TFAP2D: variants seen among roughly 807,000 people sequenced by gnomAD.
The protein encoded by TFAP2D is transcription factor AP-2 delta, also known as transcription factor AP-2-delta.
Under a neutral mutation model 43.6 loss-of-function variants are expected in TFAP2D, and 9 were observed. The observed-to-expected ratio is 0.21, with a 90% CI of 0.12 to 0.36. The LOEUF is 0.36. TFAP2D is among the 10% of genes least tolerant of loss of function. The probability of loss-of-function intolerance (pLI) is 1.00; values close to 1 mark genes in which losing one functional copy is unlikely to be tolerated. For synonymous variants in TFAP2D, 256 were observed against 224.9 expected (o/e 1.14, Z -1.24); for missense variants, 513 against 561.4 (o/e 0.91, Z 0.87).
At chr6:50,751,393 T>A in intron 7 of TFAP2D, 69 bp downstream of exon 7, 1 of 1,033,116 alleles carries the variant, frequency 9.7e-7, no homozygotes, top group Non-Finnish European at 1.5e-6. Flanking sequence ...ATCACAGTTC[T>A]ATTTAGAGAT....
At chr6:50,760,631 A>T (rs1769350336) in intron 7 of TFAP2D, among the ~76,000 whole-genome samples, 1 of 152,030 alleles carries the variant, frequency 6.6e-6, no homozygotes, top group African/African-American at 2.4e-5. Flanking sequence ...GGACCATGAG[A>T]TAAGATAATC....
At chr6:50,725,992 C>A (rs1768802797) in intron 3 of TFAP2D, among the ~76,000 whole-genome samples, 1 of 152,154 alleles carries the variant, frequency 6.6e-6, no homozygotes, top group Non-Finnish European at 1.5e-5. Flanking sequence ...ATCCTGAATA[C>A]AAAATAAATC....
At chr6:50,729,067 C>T (rs1768847244) in intron 4 of TFAP2D, 46 bp downstream of exon 4, 1 of 1,608,782 alleles carries the variant, frequency 6.2e-7, no homozygotes, top group Admixed American at 1.7e-5. Flanking sequence ...CTAACTGATA[C>T]CATACCCTCA....
At chr6:50,763,582 C>T (rs1006806968) in intron 7 of TFAP2D, among the ~76,000 whole-genome samples, 12 of 152,176 alleles carry the variant, frequency 7.9e-5, no homozygotes, top group African/African-American at 2.9e-4. Context: ...TCAGTGATTA[C>T]TTCTACTTTT....
chr6:50,767,405 C>T (rs1173965119), intron 7 of TFAP2D, among the ~76,000 whole-genome samples: 1 of 152,184 alleles, frequency 6.6e-6, no homozygotes, highest in Non-Finnish European at 1.5e-5. Context: ...CAGTTTTGCT[C>T]TGATGCTACC....
chr6:50,715,977 C>G (rs1483628777), intron 2 of TFAP2D, among the ~76,000 whole-genome samples: 2 of 152,040 alleles, frequency 1.3e-5, no homozygotes, highest in Admixed American at 1.3e-4. Flanking sequence ...ATCGAGGAGT[C>G]TGGGGTTGGG....
At chr6:50,742,173 C>A (rs577079730) in intron 5 of TFAP2D, among the ~76,000 whole-genome samples, 74 of 152,108 alleles carry the variant, frequency 4.9e-4, no homozygotes, top group African/African-American at 1.8e-3. Context: ...CCCTCACACA[C>A]AAAGCTTCTG....
At chr6:50,746,400 C>T (rs147085971) in intron 6 of TFAP2D, among the ~76,000 whole-genome samples, 3 of 151,976 alleles carry the variant, frequency 2.0e-5, no homozygotes, top group Non-Finnish European at 4.4e-5. Context: ...AGCACACCCA[C>T]CTGGTTTTTG....
chr6:50,742,565 CAG>C (rs1581768855), intron 5 of TFAP2D, among the ~76,000 whole-genome samples: 1 of 140,254 alleles, frequency 7.1e-6, no homozygotes, highest in Non-Finnish European at 1.5e-5. Context: ...GACACATAGA[CAG>C]ACACACATAG....
At chr6:50,745,370 C>G (rs1247643194) in intron 6 of TFAP2D, 122 bp downstream of exon 6, 1 of 1,368,514 alleles carries the variant, frequency 7.3e-7, no homozygotes, top group Non-Finnish European at 1.0e-6. Context: ...GTCTCACACA[C>G]AAGCAGCTAG....
chr6:50,722,867 G>A (rs1238853556), intron 3 of TFAP2D, among the ~76,000 whole-genome samples: 4 of 152,150 alleles, frequency 2.6e-5, no homozygotes, highest in African/African-American at 9.7e-5. Context: ...GAGGGGAAGC[G>A]CCCTTGTTTC....
chr6:50,715,722 CT>C, intron 2 of TFAP2D, 109 bp downstream of exon 2: 3 of 27,108 alleles, frequency 1.1e-4, no homozygotes, highest in South Asian at 1.0e-3. Context: ...CTCTCTTCTC[CT>C]CTCTCTCTCT....
chr6:50,740,393 T>G lies in TFAP2D; in HGVS notation c.884-4714T>G, dbSNP rs142191110. On this transcript the variant is annotated intron_variant, in intron 5 of 7. Transcript: ENST00000008391. ...TTTTTAGTTGTGTAAAGTAATTTTT[T>G]TAAAAAATACCATAATTTTAAAGAA... Among the ~76,000 whole-genome samples the G allele has an allele frequency of 7.4e-3, 1,130 of 152,280 alleles. 16 individuals are homozygous for G. Among genetic ancestry groups the G allele is most frequent in the African/African-American group, 0.026 (1,070 of 41,556 alleles).
rs781758454 is a variant in TFAP2D at position 50,742,627 on chromosome 6, TAGATGATA to T, written c.884-2479_884-2472del. On this transcript the variant is annotated intron_variant, in intron 5 of 7. Transcript: ENST00000008391. ...ATAGATAGATAGATAGATAGATAGATAGATGATAGATAGATAGACTCTGTTAAAATGTT... is the reference window on the plus strand; with the variant it reads ...ATAGATAGATAGATAGATAGATAGATGATAGATAGACTCTGTTAAAATGTT... Among the ~76,000 whole-genome samples, 954 of 150,694 alleles carry T rather than the reference TAGATGATA, an allele frequency of 6.3e-3. 1 individual carries two copies. The highest frequency in any genetic ancestry group is 7.8e-3 in the South Asian group (37 of 4,720).
chr6:50,729,103 T>C, intron 4 of TFAP2D, 82 bp downstream of exon 4: 1 of 1,601,072 alleles, frequency 6.2e-7, no homozygotes, highest in Non-Finnish European at 8.5e-7. Context: ...GTCTTCCATC[T>C]GATAGTGTAT....
At chr6:50,722,086 A>T (rs1768735312) in intron 3 of TFAP2D, among the ~76,000 whole-genome samples, 1 of 152,218 alleles carries the variant, frequency 6.6e-6, no homozygotes, top group Non-Finnish European at 1.5e-5. Flanking sequence ...TTTAGCCTGT[A>T]ATGAAGGCCC....
intron 7 of TFAP2D, among the ~76,000 whole-genome samples, chr6:50,756,102 G>A (rs909339336): frequency 6.6e-6 from 1 of 151,962 alleles, no homozygotes; most frequent in Non-Finnish European, 1.5e-5. Flanking sequence ...GGCTCAAGCA[G>A]TCTGCCCACC....
At chr6:50,728,776 G>C (rs1768843239) in intron 3 of TFAP2D, 80 bp from the exon 4 acceptor site, 2 of 1,420,068 alleles carry the variant, frequency 1.4e-6, no homozygotes, top group Non-Finnish European at 2.0e-6. Context: ...ATCCAGAATA[G>C]TCTTTTGATG....
At chr6:50,723,971 C>T (rs921378580) in intron 3 of TFAP2D, among the ~76,000 whole-genome samples, 1 of 152,140 alleles carries the variant, frequency 6.6e-6, no homozygotes, top group Non-Finnish European at 1.5e-5. Context: ...GGTAATCCAG[C>T]TATACCTGTA....
Sources: allele counts gnomAD v4.1 joint callset (sites outside exome capture counted in the v4.1 genomes callset), GRCh38; gene constraint gnomAD v4.1.1; transcripts MANE v1.5; gene names NCBI Gene and HGNC (gene_info 2026-07-23, HGNC 2026-07-21).